Variants in SORT1 observed in about 807,000 individuals in gnomAD.
SORT1 encodes sortilin 1, also known as sortilin.
In SORT1, 39 loss-of-function variants were observed where a neutral mutation model predicts 101.7. That is an observed-to-expected ratio of 0.38 (90% CI 0.30 to 0.50). The LOEUF is 0.50. Among genes scored for constraint, SORT1 ranks in the 20% least tolerant of loss-of-function variants. The pLI is 0.90. For missense variants in SORT1, 878 were observed against 1,040.4 expected (o/e 0.84, Z 2.15); for synonymous variants, 396 against 393.7 (o/e 1.01, Z -0.07).
intron 3 of SORT1, among the ~76,000 whole-genome samples, chr1:109,363,221 T>G (rs148013123): frequency 7.2e-5 from 11 of 152,168 alleles, no homozygotes. Flanking sequence ...CAATGAAAAG[T>G]TGGACTCAAG....
chr1:109,330,488 C>T (rs1648389389), intron 11 of SORT1, among the ~76,000 whole-genome samples: 1 of 151,916 alleles, frequency 6.6e-6, no homozygotes, highest in Non-Finnish European at 1.5e-5. Flanking sequence ...AAAAGCAGTT[C>T]TAAGAAGAAA....
In SORT1 at chr1:109,340,862, T is replaced by C. The variant is rs776674322; in HGVS notation, c.1126A>G (p.Ile376Val). 31 of 1,612,784 alleles carry C rather than the reference T, an allele frequency of 1.9e-5. No individual in the cohort carries two copies. Among genetic ancestry groups the C allele is most frequent in the South Asian group, 2.2e-5 (2 of 90,982 alleles). The change falls in exon 10 of 20, where the codon ATC (isoleucine) becomes GTC (valine). Residue 376 changes from isoleucine (I) to valine (V), a missense_variant. This residue lies in a region of SORT1 where 684 missense variants were observed against 894.5 expected (regional missense o/e 0.76). Transcript: ENST00000256637. ...DEPGDTGFGT[I>V]FTSDDRGIVY... is the part of the protein sequence containing the mutation. The stretch of plus-strand genomic sequence containing the variant: ...ATGCCTCGATCATCTGAGGTAAAGA[T>C]TGTGCCAAACCCAGTGTCTGAAATA...
At chr1:109,325,167 G>T in intron 13 of SORT1, 78 bp from the exon 14 acceptor site, 1 of 849,926 alleles carries the variant, frequency 1.2e-6, no homozygotes, top group Non-Finnish European at 1.7e-6. Flanking sequence ...CTGGCTTTTT[G>T]ATCCCAAACC....
chr1:109,337,626 A>G (rs1166363436), intron 10 of SORT1, among the ~76,000 whole-genome samples: 1 of 151,982 alleles, frequency 6.6e-6, no homozygotes, highest in Non-Finnish European at 1.5e-5. Flanking sequence ...AGTGCCTACT[A>G]TGTGAAAACT....
intron 11 of SORT1, among the ~76,000 whole-genome samples, chr1:109,333,928 C>T (rs1570910978): frequency 6.6e-6 from 1 of 152,196 alleles, no homozygotes; most frequent in African/African-American, 2.4e-5. Context: ...GGGTGGATCA[C>T]GAGGTCAGGA....
At chr1:109,393,249 A>G in intron 1 of SORT1, 1 of 985,402 alleles carries the variant, frequency 1.0e-6, no homozygotes, top group Admixed American at 6.1e-5. Context: ...CAGATGCTTT[A>G]AAGTTGGAGT....
Position 109,336,288 on chromosome 1 carries a change from C to T in SORT1, c.1323G>A (p.Arg441=), listed in dbSNP as rs754721048. The T allele has an allele frequency of 1.9e-6, 3 of 1,613,886 alleles. No individual in the cohort carries two copies. Among genetic ancestry groups the T allele is most frequent in the East Asian group, 4.5e-5 (2 of 44,870 alleles). The change falls in exon 11 of 20, where the codon AGG becomes AGA. Residue 441 remains arginine (R), a synonymous_variant. Transcript: ENST00000256637. ...CATCACATTCACTGTTTTCAGGCTT[C>T]CTCAGGTGCGTCCACCTTCCTCCTT... is the stretch of plus-strand genomic sequence containing the variant. ...FDQGGRWTHL[R]KPENSECDAT...
In SORT1 at chr1:109,327,024, A is replaced by C. The variant is rs567941814; in HGVS notation, c.1611T>G (p.Ile537Met). ...ILDSGGIIVA[I>M]EHSSRPINVI... ...CATTGATAGGACGGCTGCTGTGCTC[A>C]ATGGCCACAATGATGCCTCCAGAAT... Residue 537 changes from isoleucine (I) to methionine (M), a missense_variant, in exon 13 of 20, where the codon ATT becomes ATG. By Grantham distance (10) the Ile-to-Met change is conservative. Coordinates refer to ENST00000256637, the MANE Select transcript of SORT1 (RefSeq NM_002959.7). 4 of 1,612,502 alleles carry C rather than the reference A, an allele frequency of 2.5e-6. No homozygotes were observed. In the South Asian group the frequency reaches 4.4e-5, roughly 18 times the overall value.
At chr1:109,337,876 T>C (rs1648939649) in intron 10 of SORT1, among the ~76,000 whole-genome samples, 2 of 152,202 alleles carry the variant, frequency 1.3e-5, no homozygotes, top group Admixed American at 6.5e-5. Context: ...TCCACTCACT[T>C]TGGTCTCCCA....
intron 3 of SORT1, among the ~76,000 whole-genome samples, chr1:109,366,541 G>A (rs1431222590): frequency 1.3e-5 from 2 of 152,000 alleles, no homozygotes; most frequent in African/African-American, 4.8e-5. Flanking sequence ...TTCCTTTATT[G>A]TTCTGCCCCT....
At chr1:109,362,036 T>G (rs1020993196) in intron 3 of SORT1, among the ~76,000 whole-genome samples, 1 of 152,200 alleles carries the variant, frequency 6.6e-6, no homozygotes, top group Admixed American at 6.6e-5. Context: ...ACAAGCTGTT[T>G]AGTGTTCCTA....
chr1:109,316,222 A>C (rs1267472124), intron 17 of SORT1, among the ~76,000 whole-genome samples: 9 of 150,616 alleles, frequency 6.0e-5, no homozygotes, highest in African/African-American at 2.2e-4. Flanking sequence ...CTTCACAGAC[A>C]ACCTTTTTTT....
intron 11 of SORT1, among the ~76,000 whole-genome samples, chr1:109,328,555 C>T (rs990587014): frequency 1.3e-5 from 2 of 152,182 alleles, no homozygotes; most frequent in Admixed American, 1.3e-4. Flanking sequence ...AAGTTCTTTG[C>T]CTATTTTTTA....
At chr1:109,347,857 T>C (rs1160441026) in intron 6 of SORT1, among the ~76,000 whole-genome samples, 2 of 152,236 alleles carry the variant, frequency 1.3e-5, no homozygotes, top group African/African-American at 2.4e-5. Context: ...GTTATTGGCA[T>C]CTACCGGGTA....
At chr1:109,379,302 TAA>T (rs796325806) in intron 1 of SORT1, among the ~76,000 whole-genome samples, 2 of 141,950 alleles carry the variant, frequency 1.4e-5, no homozygotes, top group African/African-American at 2.6e-5. Flanking sequence ...GCTAATTAGC[TAA>T]AAAAAAAAAA....
chr1:109,315,038 G>A (rs1386956708), intron 17 of SORT1, among the ~76,000 whole-genome samples: 1 of 152,154 alleles, frequency 6.6e-6, no homozygotes, highest in Admixed American at 6.5e-5. Flanking sequence ...TACACTGGAA[G>A]CCTGGGCAAC....
chr1:109,374,953 G>A (rs1334376775), intron 1 of SORT1, among the ~76,000 whole-genome samples: 5 of 152,130 alleles, frequency 3.3e-5, no homozygotes, highest in South Asian at 4.1e-4. Context: ...GTGAGACTCC[G>A]TCTCAAAAAC....
At chr1:109,318,238 C>T (rs1421312887) in intron 15 of SORT1, among the ~76,000 whole-genome samples, 1 of 151,730 alleles carries the variant, frequency 6.6e-6, no homozygotes, top group Non-Finnish European at 1.5e-5. Flanking sequence ...ACTGCAACCT[C>T]CGCCTCCGGC....
At position 109,354,460 on chromosome 1, in the gene SORT1, C is replaced by A. The variant is rs758815172; in HGVS notation, c.615G>T (p.Lys205Asn). The change falls in exon 5 of 20, where the codon AAG becomes AAT. Residue 205 changes from lysine (K) to asparagine (N), a missense_variant. Lys to Asn is a moderately conservative substitution (Grantham distance 94). Around this residue, in one of 2 missense-constraint regions of SORT1, gnomAD observed 684 missense variants for 894.5 expected, o/e 0.76. Coordinates refer to ENST00000256637, the MANE Select transcript of SORT1 (RefSeq NM_002959.7). ...AAGGGAGATCTGTTTGCACAAAATTCTTCGCAAAATCTGATGATCTAAAGA... is the reference window on the plus strand; with the variant it reads ...AAGGGAGATCTGTTTGCACAAAATTATTCGCAAAATCTGATGATCTAAAGA... ...GRIFRSSDFAKNFVQTDLPFH... is the reference protein window; with the variant it reads ...GRIFRSSDFANNFVQTDLPFH... 14 of 1,613,630 alleles carry A rather than the reference C, an allele frequency of 8.7e-6. 1 individual carries two copies. In the South Asian group the frequency reaches 1.2e-4, roughly 14 times the overall value.
Sources: allele counts gnomAD v4.1 joint callset (sites outside exome capture counted in the v4.1 genomes callset), GRCh38; gene constraint gnomAD v4.1.1; regional missense constraint gnomAD v4.1.1; transcripts MANE v1.5; gene names NCBI Gene and HGNC (gene_info 2026-07-23, HGNC 2026-07-21).